The following TNNI3K variants were observed in gnomAD, a reference collection of about 807,000 sequenced individuals.
TNNI3K encodes TNNI3 interacting kinase.
A neutral mutation model predicts 114.5 loss-of-function variants in TNNI3K; 140 were observed. The observed-to-expected ratio is 1.22, with a 90% CI of 1.07 to 1.41. TNNI3K has a LOEUF of 1.41. TNNI3K is among the 40% of genes most tolerant of loss of function. The pLI, the probability that TNNI3K is intolerant of heterozygous loss-of-function variation, is 0.00. For missense variants in TNNI3K, 1,125 were observed against 1,007.6 expected, an observed-to-expected ratio of 1.12 and a Z score of -1.58; for synonymous variants, 347 against 347.5, an observed-to-expected ratio of 1.00 and a Z score of 0.02.
rs200986644 is a variant in TNNI3K, at chr1:74,369,134, T to C, written c.1414+20T>C. Reference sequence around the variant, plus strand: ...GCTCAGGTAACCTAAAATAAATAAATAAATAAAGGTCCGGTTTAGTTGAAT... The same window carrying C: ...GCTCAGGTAACCTAAAATAAATAAACAAATAAAGGTCCGGTTTAGTTGAAT... On this transcript the variant is annotated intron_variant, in intron 14 of 24. Transcript: ENST00000326637. 9.8e-5 allele frequency: 156 copies of C among 1,598,308 alleles called. 4 individuals are homozygous for C. In the South Asian group the frequency reaches 1.7e-3, roughly 17 times the overall value.
At chr1:74,350,430 A>C (rs568421907) in intron 9 of TNNI3K, among the ~76,000 whole-genome samples, 4 of 152,298 alleles carry the variant, frequency 2.6e-5, no homozygotes, top group African/African-American at 9.6e-5. Context: ...GGTGCTGAAA[A>C]GAATGTATAT....
At chr1:74,253,204 A>G (rs1327160160) in intron 4 of TNNI3K, among the ~76,000 whole-genome samples, 1 of 152,142 alleles carries the variant, frequency 6.6e-6, no homozygotes. Context: ...TGATTGGCAT[A>G]TTTACAATCC....
chr1:74,279,410 A>G (rs1417061117), intron 5 of TNNI3K, among the ~76,000 whole-genome samples: 2 of 152,214 alleles, frequency 1.3e-5, no homozygotes, highest in East Asian at 3.8e-4. Flanking sequence ...TTGATTAGCA[A>G]TATAGTATAA....
intron 23 of TNNI3K, among the ~76,000 whole-genome samples, chr1:74,503,753 C>T (rs1042372811): frequency 6.6e-6 from 1 of 152,172 alleles, no homozygotes; most frequent in African/African-American, 2.4e-5. Context: ...TGCCTTTTAT[C>T]TCTTTCTTTT....
chr1:74,452,931 A>G (rs1053456207), intron 20 of TNNI3K, among the ~76,000 whole-genome samples: 11 of 152,112 alleles, frequency 7.2e-5, no homozygotes, highest in Non-Finnish European at 1.3e-4. Flanking sequence ...ACTTTTCATT[A>G]CAGCAACTCC....
intron 5 of TNNI3K, among the ~76,000 whole-genome samples, chr1:74,325,827 A>T (rs1659870375): frequency 6.6e-6 from 1 of 152,204 alleles, no homozygotes; most frequent in African/African-American, 2.4e-5. Flanking sequence ...ACTGGAAAAA[A>T]TATCAATCCT....
chr1:74,514,860 G>C (rs1342875897), intron 23 of TNNI3K, among the ~76,000 whole-genome samples: 1 of 152,176 alleles, frequency 6.6e-6, no homozygotes, highest in Non-Finnish European at 1.5e-5. Flanking sequence ...TTTGGAAACA[G>C]GGTTGTTGCA....
chr1:74,336,072 G>C lies in TNNI3K; in HGVS notation c.605G>C (p.Arg202Thr). The change falls in exon 7 of 25, where the codon AGA becomes ACA. Residue 202 changes from arginine to threonine, a missense_variant. Physicochemically the swap from Arg to Thr is moderately conservative, Grantham distance 71. Coordinates refer to ENST00000326637, the MANE Select transcript of TNNI3K (RefSeq NM_015978.3). ...DVNVSGEVGD[R>T]PLHLASAKGF... ...AATGTAAGTGGTGAAGTTGGAGATA[G>C]ACCCCTCCACCTAGCATCTGCAAAA... 1.2e-6 allele frequency: 2 copies of C among 1,602,304 alleles called. No individual in the cohort carries two copies. Among genetic ancestry groups the C allele is most frequent in the Non-Finnish European group, 1.7e-6 (2 of 1,176,706 alleles).
intron 5 of TNNI3K, among the ~76,000 whole-genome samples, chr1:74,283,674 C>A (rs1030790294): frequency 1.3e-5 from 2 of 152,078 alleles, no homozygotes; most frequent in Admixed American, 1.3e-4. Context: ...TATGAGAAAT[C>A]CCTTTGTAAC....
intron 21 of TNNI3K, chr1:74,483,227 T>G: frequency 1.4e-6 from 1 of 715,688 alleles, no homozygotes; most frequent in South Asian, 1.5e-5. Flanking sequence ...CCAGGTACAC[T>G]GAGCACTGCT....
chr1:74,410,531 G>A (rs1664832260), intron 17 of TNNI3K, among the ~76,000 whole-genome samples: 1 of 152,168 alleles, frequency 6.6e-6, no homozygotes, highest in Non-Finnish European at 1.5e-5. Context: ...TTTTATTTGT[G>A]TTTCACTGCT....
At chr1:74,454,703 T>C (rs1205851619) in intron 20 of TNNI3K, among the ~76,000 whole-genome samples, 1 of 152,174 alleles carries the variant, frequency 6.6e-6, no homozygotes, top group African/African-American at 2.4e-5. Context: ...CTCTTAGATA[T>C]ACTGATTTCT....
chr1:74,282,936 C>T (rs1657099956), intron 5 of TNNI3K, among the ~76,000 whole-genome samples: 1 of 152,130 alleles, frequency 6.6e-6, no homozygotes, highest in African/African-American at 2.4e-5. Context: ...AATATGCCAG[C>T]CGATGCACAT....
intron 17 of TNNI3K, among the ~76,000 whole-genome samples, chr1:74,415,284 C>A (rs534589170): frequency 6.6e-6 from 1 of 152,218 alleles, no homozygotes; most frequent in Admixed American, 6.5e-5. Context: ...CCCACCCTTG[C>A]AGCTTTTCCT....
chr1:74,429,110 G>T (rs572773467), intron 17 of TNNI3K, among the ~76,000 whole-genome samples: 1 of 152,000 alleles, frequency 6.6e-6, no homozygotes, highest in East Asian at 1.9e-4. Flanking sequence ...CATGAATAAG[G>T]AGCTAATCTC....
chr1:74,289,149 T>C (rs1479478832), intron 5 of TNNI3K, among the ~76,000 whole-genome samples: 1 of 152,012 alleles, frequency 6.6e-6, no homozygotes, highest in Non-Finnish European at 1.5e-5. Flanking sequence ...TCAAAGTGCT[T>C]ATCTTTGGGA....
chr1:74,451,178 T>C (rs1288352738), intron 20 of TNNI3K, among the ~76,000 whole-genome samples: 4 of 151,978 alleles, frequency 2.6e-5, no homozygotes, highest in Non-Finnish European at 5.9e-5. Context: ...TTCTCACTTA[T>C]AAGCGGGAAC....
At chr1:74,481,007 A>C in intron 21 of TNNI3K, 1 of 670,598 alleles carries the variant, frequency 1.5e-6, no homozygotes, top group Non-Finnish European at 2.8e-6. Flanking sequence ...CAGGGTACAC[A>C]TGAGTGGGAG....
chr1:74,255,843 T>C (rs990139712), intron 4 of TNNI3K, among the ~76,000 whole-genome samples: 6 of 152,176 alleles, frequency 3.9e-5, no homozygotes, highest in Admixed American at 1.3e-4. Context: ...AGTTTTCTCT[T>C]TTCTAGAATT....
Sources: allele counts gnomAD v4.1 joint callset (sites outside exome capture counted in the v4.1 genomes callset), GRCh38; gene constraint gnomAD v4.1.1; transcripts MANE v1.5; gene names NCBI Gene and HGNC (gene_info 2026-07-23, HGNC 2026-07-21).